Variants in KCNC3 observed in about 807,000 individuals in gnomAD.
KCNC3 encodes voltage-gated potassium channel KCNC3.
Under a neutral mutation model 43.9 loss-of-function variants are expected in KCNC3, and 22 were observed. That is an observed-to-expected ratio of 0.50 (90% CI 0.36 to 0.72). KCNC3 has a LOEUF of 0.72. Ranked by LOEUF, KCNC3 falls within the 30% of genes least tolerant of loss-of-function variation. The pLI is 0.00. For synonymous variants in KCNC3, 492 were observed against 488.0 expected, an observed-to-expected ratio of 1.01 and a Z score of -0.11; for missense variants, 829 against 1,073.8, an observed-to-expected ratio of 0.77 and a Z score of 3.19.
At chr19:50,330,815 C>T (rs932684452), upstream of KCNC3, among the ~76,000 whole-genome samples, 10 of 151,944 alleles carry the variant, frequency 6.6e-5, no homozygotes, top group African/African-American at 2.4e-4. Flanking sequence ...AAGGGGACCG[C>T]CTCGGAGCGG....
chr19:50,321,900 G>A (rs1171143454), intron 2 of KCNC3, among the ~76,000 whole-genome samples: 2 of 152,090 alleles, frequency 1.3e-5, no homozygotes, highest in African/African-American at 4.8e-5. Context: ...TAGGGGTAGC[G>A]GGTGGAGGCA....
At position 50,314,724 on chromosome 19, in the gene KCNC3, A is replaced by G. The variant is rs1347521142; in HGVS notation, c.*1391T>C. 9.1e-6 allele frequency: 4 copies of G among 439,862 alleles called. No homozygotes were observed. Among genetic ancestry groups the G allele is most frequent in the Non-Finnish European group, 1.8e-5 (4 of 220,484 alleles). The allele number at this position is 439,862 out of a possible 1,614,324, so 27.2% of individuals were successfully genotyped here. A position where few individuals can be genotyped will look rare whatever the true frequency, so the allele number is the denominator to read the frequency against. ...CCCGGGGGTGTCTGCTGGCATCGTC[A>G]TCTCGGTTGCATATTATTAATGACT... On this transcript the variant is annotated 3_prime_UTR_variant, in exon 5 of 5. Coordinates refer to ENST00000477616, the MANE Select transcript of KCNC3 (RefSeq NM_004977.3).
chr19:50,325,096 CAG>C (rs1211731666), intron 1 of KCNC3, among the ~76,000 whole-genome samples: 1 of 152,032 alleles, frequency 6.6e-6, no homozygotes, highest in Admixed American at 6.6e-5. Context: ...GGGGGATAAC[CAG>C]AGTCCTGCCA....
At chr19:50,325,676 G>A (rs914079208) in intron 1 of KCNC3, among the ~76,000 whole-genome samples, 3 of 152,078 alleles carry the variant, frequency 2.0e-5, no homozygotes, top group Non-Finnish European at 4.4e-5. Context: ...CCCCCTCCGA[G>A]CCGGGCGCGC....
chr19:50,323,370 AC>A lies in KCNC3; in HGVS notation c.1582del (p.Val528CysfsTer2). On this transcript the variant is annotated frameshift_variant, in exon 2 of 5. Transcript: ENST00000477616. LOFTEE classifies it high-confidence loss of function. ...LVGALCALAG[V>X]LTIAMPVPVI... ...GGGCACAGGCATGGCGATGGTCAGC[AC>A]CCCCGCCAGGGCACACAGCGCCCCG... The A allele has an allele frequency of 6.2e-7, 1 of 1,613,950 alleles. No homozygotes were observed.
intron 3 of KCNC3, 100 bp downstream of exon 3, chr19:50,320,492 AG>A: frequency 9.0e-7 from 1 of 1,106,180 alleles, no homozygotes; most frequent in Non-Finnish European, 1.3e-6. Flanking sequence ...GGAAGGGGGA[AG>A]GGAAGTCCAC....
Position 50,328,763 on chromosome 19 carries a change from C to T in KCNC3, c.320G>A (p.Arg107His), listed in dbSNP as rs867145404. The T allele has an allele frequency of 1.9e-6, 3 of 1,587,690 alleles. No individual in the cohort carries two copies. Among genetic ancestry groups the T allele is most frequent in the Non-Finnish European group, 2.6e-6 (3 of 1,168,056 alleles). The change falls in exon 1 of 5, where the codon CGC becomes CAC. Residue 107 changes from arginine (R) to histidine (H), a missense_variant. Coordinates refer to ENST00000477616, the MANE Select transcript of KCNC3 (RefSeq NM_004977.3). ...VRHETYRSTLRTLPGTRLAGL... is the reference protein window; with the variant it reads ...VRHETYRSTLHTLPGTRLAGL... Reference sequence around the variant, plus strand: ...GGCCAGCCGCGTCCCCGGCAGGGTGCGCAGCGTCGAGCGGTACGTCTCATG... The same window carrying T: ...GGCCAGCCGCGTCCCCGGCAGGGTGTGCAGCGTCGAGCGGTACGTCTCATG...
chr19:50,326,442 T>C (rs2037106981), intron 1 of KCNC3, among the ~76,000 whole-genome samples: 1 of 150,956 alleles, frequency 6.6e-6, no homozygotes, highest in South Asian at 2.1e-4. Flanking sequence ...ACTCAGCGCT[T>C]TCTGGGGACC....
In KCNC3 at chr19:50,315,131, GAGAC is replaced by G. The variant is rs1463937899; in HGVS notation, c.*980_*983del. 5.5e-6 allele frequency: 1 copy of G among 181,654 alleles called. No homozygotes were observed. The highest frequency in any genetic ancestry group is 1.2e-5 in the Non-Finnish European group (1 of 85,924). 11.3% of individuals were successfully genotyped at this position (181,654 alleles called of 1,614,324 possible). On this transcript the variant is annotated 3_prime_UTR_variant, in exon 5 of 5. Coordinates refer to ENST00000477616, the MANE Select transcript of KCNC3 (RefSeq NM_004977.3). ...AAGGGGAGGACAACAGATACCCAGA[GAGAC>G]AGAGAAGGCAAGACAGACAGAGTCA...
rs1000514004 is a variant in KCNC3, at chr19:50,312,330, G to A, written c.*3785C>T. The A allele has an allele frequency of 6.6e-6, 1 of 151,822 alleles. No individual in the cohort carries two copies. Among genetic ancestry groups the A allele is most frequent in the African/African-American group, 2.4e-5 (1 of 41,354 alleles). The allele number at this position is 151,822 out of a possible 1,614,324, so 9.4% of individuals were successfully genotyped here. On this transcript the variant is annotated 3_prime_UTR_variant, in exon 5 of 5. Coordinates refer to ENST00000477616, the MANE Select transcript of KCNC3 (RefSeq NM_004977.3). ...TGTGTGTGTGTGTGTGTGTTGGGGA[G>A]GGTGAGCCGCGGAGCTCAGGAAGAC... is the stretch of plus-strand genomic sequence containing the variant.
intron 4 of KCNC3, among the ~76,000 whole-genome samples, chr19:50,318,359 G>A (rs559378389): frequency 6.6e-6 from 1 of 151,354 alleles, no homozygotes; most frequent in African/African-American, 2.4e-5. Flanking sequence ...ATTTTTAGTA[G>A]AGATGGGGTT....
At chr19:50,317,340 G>A (rs1489011187) in intron 4 of KCNC3, among the ~76,000 whole-genome samples, 1 of 152,068 alleles carries the variant, frequency 6.6e-6, no homozygotes. Flanking sequence ...GTTGGTCATG[G>A]CCTTCCCTGA....
Position 50,329,040 on chromosome 19 carries a change from C to CCT in KCNC3, c.41_42dup (p.Gly15ArgfsTer78). 1 of 1,343,514 alleles carries CCT rather than the reference C, an allele frequency of 7.4e-7. No individual in the cohort carries two copies. Among genetic ancestry groups the CCT allele is most frequent in the Non-Finnish European group, 9.6e-7 (1 of 1,043,598 alleles). The allele number at this position is 1,343,514 out of a possible 1,614,324, so 83.2% of individuals were successfully genotyped here. On this transcript the variant is annotated frameshift_variant, in exon 1 of 5. Transcript: ENST00000477616. LOFTEE classifies it high-confidence loss of function. ...GGCGCCGGCTGCTGCTTGCTGGCCC[C>CCT]CTGGCGCCCGCGGAAGGACGAGACG...
Position 50,323,510 on chromosome 19 carries a change from G to T in KCNC3, c.1443C>A (p.Gly481=). ...RIGADPDDIL[G]SNHTYFKNIP... The stretch of plus-strand genomic sequence containing the variant: ...TGTTCTTGAAGTAGGTGTGGTTGGA[G>T]CCCAGGATGTCATCGGGGTCGGCGC... The change falls in exon 2 of 5, where the codon GGC becomes GGA. Residue 481 remains glycine, a synonymous_variant. Coordinates refer to ENST00000477616, the MANE Select transcript of KCNC3 (RefSeq NM_004977.3). The T allele has an allele frequency of 1.2e-6, 2 of 1,614,216 alleles. No individual in the cohort carries two copies. Among genetic ancestry groups the T allele is most frequent in the African/African-American group, 2.7e-5 (2 of 75,062 alleles).
At chr19:50,333,158 C>T (rs1305387949), upstream of KCNC3, among the ~76,000 whole-genome samples, 1 of 152,144 alleles carries the variant, frequency 6.6e-6, no homozygotes, top group Non-Finnish European at 1.5e-5. Context: ...GCCCCCGGAC[C>T]CTGAGCCTTC....
chr19:50,325,580 T>A (rs1465013434), intron 1 of KCNC3, among the ~76,000 whole-genome samples: 1 of 86,138 alleles, frequency 1.2e-5, no homozygotes. Flanking sequence ...AGGTCCTCTC[T>A]GAACTCCCCC....
Position 50,323,786 on chromosome 19 carries a change from G to A in KCNC3, c.1167C>T (p.Ile389=). 6.2e-7 allele frequency: 1 copy of A among 1,614,222 alleles called. No individual in the cohort carries two copies. The highest frequency in any genetic ancestry group is 8.5e-7 in the Non-Finnish European group (1 of 1,180,050). The change falls in exon 2 of 5, where the codon ATC becomes ATT. Residue 389 remains isoleucine, a synonymous_variant. Coordinates refer to ENST00000477616, the MANE Select transcript of KCNC3 (RefSeq NM_004977.3). The stretch of plus-strand genomic sequence containing the variant: ...GGCCCACCTCGAGATAGAAGGGCAG[G>A]ATGGCCACACAGTCGATGATGTTGA... ...SSLNIIDCVA[I]LPFYLEVGLS...
upstream of KCNC3, among the ~76,000 whole-genome samples, chr19:50,332,834 G>A (rs2123557000): frequency 6.6e-6 from 1 of 152,040 alleles, no homozygotes; most frequent in South Asian, 2.1e-4. The surrounding 1 kb of genome is among the most constrained non-coding windows in gnomAD (Gnocchi z 5.8). Context: ...GTCATCTTCG[G>A]CGTCCCCTGA....
chr19:50,328,149 G>C (rs2037128737), intron 1 of KCNC3, 64 bp downstream of exon 1: 1 of 1,077,684 alleles, frequency 9.3e-7, no homozygotes, highest in Admixed American at 5.2e-5. Flanking sequence ...GGGCGCTCCT[G>C]GGAGACTGGG....
Sources: allele counts gnomAD v4.1 joint callset (sites outside exome capture counted in the v4.1 genomes callset), GRCh38; gene constraint gnomAD v4.1.1; non-coding constraint Gnocchi (gnomAD v3.1); transcripts MANE v1.5; gene names NCBI Gene and HGNC (gene_info 2026-07-23, HGNC 2026-07-21).